The following FAT3 variants were observed in gnomAD, a reference collection of about 807,000 sequenced individuals.
FAT3 encodes protocadherin Fat 3.
FAT3 carries 95 observed loss-of-function variants against 310.2 expected under a neutral mutation model. That is an observed-to-expected ratio of 0.31 (90% CI 0.26 to 0.36). FAT3 has a LOEUF of 0.36. Among genes scored for constraint, FAT3 ranks in the 10% least tolerant of loss-of-function variants. The pLI is 1.00. For synonymous variants in FAT3, 2,314 were observed against 2,192.9 expected, an observed-to-expected ratio of 1.06 and a Z score of -1.54; for missense variants, 5,408 against 5,715.6, an observed-to-expected ratio of 0.95 and a Z score of 1.74.
Position 92,355,537 on chromosome 11 carries a change from A to G in FAT3, c.3292+133A>G, listed in dbSNP as rs546276774. 4.3e-4 allele frequency: 345 copies of G among 809,674 alleles called. 1 individual carries two copies. In the East Asian group the frequency reaches 7.9e-3, roughly 18 times the overall value. 50.2% of individuals were successfully genotyped at this position (809,674 alleles called of 1,614,324 possible). On this transcript the variant is annotated intron_variant, in intron 2 of 27. Coordinates refer to ENST00000525166, the MANE Select transcript of FAT3 (RefSeq NM_001367949.2). The stretch of plus-strand genomic sequence containing the variant: ...TGCATTTGGTGCAGAGACGACGCAC[A>G]TAGATGCTTTTTCTTAGGATGTTCT...
chr11:92,612,261 T>C (rs1412767508), intron 3 of FAT3, among the ~76,000 whole-genome samples: 1 of 152,222 alleles, frequency 6.6e-6, no homozygotes, highest in Non-Finnish European at 1.5e-5. Context: ...CACTTTTCTC[T>C]CCACCTCACC....
intron 3 of FAT3, among the ~76,000 whole-genome samples, chr11:92,599,387 A>T (rs1164990179): frequency 1.3e-5 from 2 of 152,194 alleles, no homozygotes. Flanking sequence ...CATGAGAACA[A>T]CATGGAGGTA....
chr11:92,316,130 A>G (rs1947454794), intron 1 of FAT3, among the ~76,000 whole-genome samples: 1 of 152,058 alleles, frequency 6.6e-6, no homozygotes, highest in Non-Finnish European at 1.5e-5. Context: ...CTAGGCTCAA[A>G]TATCACCCAG....
chr11:92,831,778 G>A lies in FAT3; in HGVS notation c.9638G>A (p.Gly3213Glu), dbSNP rs1373402164. 6.2e-7 allele frequency: 1 copy of A among 1,613,466 alleles called. No individual in the cohort carries two copies. The highest frequency in any genetic ancestry group is 1.7e-5 in the Admixed American group (1 of 59,962). ...ISVRATDQSPGQSLSSLTTVT... is the reference protein window; with the variant it reads ...ISVRATDQSPEQSLSSLTTVT... The stretch of plus-strand genomic sequence containing the variant: ...GTGCGGGCCACTGACCAGAGTCCTG[G>A]ACAGTCCCTGTCCTCTCTCACTACT... The change falls in exon 14 of 28, where the codon GGA becomes GAA. Residue 3213 changes from glycine to glutamate, a missense_variant. Around this residue, in one of 5 missense-constraint regions of FAT3, gnomAD observed 4,588 missense variants for 4,809.8 expected, o/e 0.95. Transcript: ENST00000525166.
chr11:92,510,880 C>A (rs554388933), intron 2 of FAT3, among the ~76,000 whole-genome samples: 1 of 152,318 alleles, frequency 6.6e-6, no homozygotes, highest in African/African-American at 2.4e-5. Flanking sequence ...TCTTCTCCTT[C>A]TGCAAAGATG....
At position 92,524,578 on chromosome 11, in the gene FAT3, T is replaced by C. The variant is rs947626447; in HGVS notation, c.3293-56T>C. ...TGTAGTCCTTTGGAATTTGAGATTA[T>C]TTATTTAATGTCTTCCCTTTCTCTG... On this transcript the variant is annotated intron_variant, in intron 2 of 27. Coordinates refer to ENST00000525166, the MANE Select transcript of FAT3 (RefSeq NM_001367949.2). 25 of 1,527,960 alleles carry C rather than the reference T, an allele frequency of 1.6e-5. No individual in the cohort carries two copies. The Middle Eastern group carries it at 1.4e-3, about 86-fold the overall frequency. The allele number at this position is 1,527,960 out of a possible 1,614,324, so 94.7% of individuals were successfully genotyped here.
intron 2 of FAT3, among the ~76,000 whole-genome samples, chr11:92,387,652 G>A (rs1330604581): frequency 6.6e-6 from 1 of 152,166 alleles, no homozygotes; most frequent in Non-Finnish European, 1.5e-5. Flanking sequence ...TTTCTGGCTT[G>A]TTGTGGTGTG....
intron 2 of FAT3, among the ~76,000 whole-genome samples, chr11:92,444,247 T>C (rs1951156311): frequency 6.6e-6 from 1 of 152,152 alleles, no homozygotes; most frequent in South Asian, 2.1e-4. Flanking sequence ...AGAAGTGACA[T>C]GCTCATTGGG....
chr11:92,659,793 A>C (rs1591576222), intron 3 of FAT3, among the ~76,000 whole-genome samples: 3 of 152,190 alleles, frequency 2.0e-5, no homozygotes, highest in South Asian at 4.1e-4. Flanking sequence ...GAAGTAGCCA[A>C]GTGGGAGAGG....
At chr11:92,388,831 A>G (rs980963450) in intron 2 of FAT3, among the ~76,000 whole-genome samples, 6 of 152,200 alleles carry the variant, frequency 3.9e-5, no homozygotes, top group Non-Finnish European at 7.3e-5. Context: ...CTTCGTGGGA[A>G]GTCTATAGGC....
At chr11:92,779,727 A>AT (rs1201039163) in intron 7 of FAT3, among the ~76,000 whole-genome samples, 1 of 152,090 alleles carries the variant, frequency 6.6e-6, no homozygotes, top group African/African-American at 2.4e-5. Context: ...CGCAGATGTG[A>AT]TTAGGGTATA....
chr11:92,685,749 A>C (rs1165251566), intron 3 of FAT3, among the ~76,000 whole-genome samples: 2 of 152,074 alleles, frequency 1.3e-5, no homozygotes, highest in Non-Finnish European at 1.5e-5. Flanking sequence ...CATTAAGTGA[A>C]TAAAAATATG....
At chr11:92,229,800 T>C (rs1864094074) in intron 1 of FAT3, among the ~76,000 whole-genome samples, 1 of 150,668 alleles carries the variant, frequency 6.6e-6, no homozygotes, top group Non-Finnish European at 1.5e-5. Context: ...TTTTTCTTTT[T>C]TTTTTTTTTT....
intron 3 of FAT3, among the ~76,000 whole-genome samples, chr11:92,589,243 G>A (rs1939304538): frequency 1.3e-5 from 2 of 152,156 alleles, no homozygotes; most frequent in South Asian, 4.1e-4. Flanking sequence ...GCCTGAAGTA[G>A]CCATACCCAT....
intron 4 of FAT3, among the ~76,000 whole-genome samples, chr11:92,703,305 G>T (rs1402420042): frequency 6.6e-6 from 1 of 152,218 alleles, no homozygotes; most frequent in African/African-American, 2.4e-5. Flanking sequence ...CTTTTAAAAT[G>T]ATGATAATTT....
intron 1 of FAT3, among the ~76,000 whole-genome samples, chr11:92,344,536 G>T (rs1261783814): frequency 1.3e-5 from 2 of 152,176 alleles, no homozygotes; most frequent in Non-Finnish European, 2.9e-5. Context: ...GAAAGAAACT[G>T]TACACTGCTT....
At chr11:92,859,468 C>G (rs1949068226) in intron 21 of FAT3, 146 bp downstream of exon 21, 1 of 824,722 alleles carries the variant, frequency 1.2e-6, no homozygotes, top group Admixed American at 3.3e-5. Context: ...AGCGGCAGAA[C>G]TGGGAAGGGA....
At chr11:92,606,982 C>T (rs995844183) in intron 3 of FAT3, among the ~76,000 whole-genome samples, 3 of 152,146 alleles carry the variant, frequency 2.0e-5, no homozygotes, top group African/African-American at 4.8e-5. Context: ...AGCTTTAGTG[C>T]CTCCCTGCAT....
At chr11:92,847,735 C>T (rs979080015) in intron 19 of FAT3, among the ~76,000 whole-genome samples, 3 of 152,168 alleles carry the variant, frequency 2.0e-5, no homozygotes, top group African/African-American at 7.2e-5. Context: ...AAGAGGAAAG[C>T]GTTTCCTCCA....
Sources: gnomAD v4.1 joint callset for allele counts (sites outside exome capture counted in the v4.1 genomes callset) on GRCh38, gnomAD v4.1.1 for gene constraint, gnomAD v4.1.1 regional missense constraint, MANE v1.5 for transcripts, NCBI Gene and HGNC (gene_info 2026-07-23, HGNC 2026-07-21) for gene names.